UBTD1: variants seen among roughly 807,000 people sequenced by gnomAD.
UBTD1 encodes the protein ubiquitin domain-containing protein 1.
Under a neutral mutation model 21.7 loss-of-function variants are expected in UBTD1, and 19 were observed. That is an observed-to-expected ratio of 0.87 (90% CI 0.61 to 1.28). The LOEUF (loss-of-function observed/expected upper bound fraction) is 1.28. UBTD1 is among the 50% of genes most tolerant of loss of function. The probability of loss-of-function intolerance (pLI) is 0.00; values close to 1 mark genes in which losing one functional copy is unlikely to be tolerated. For missense variants in UBTD1, 282 were observed against 315.1 expected (o/e 0.89, Z 0.80); for synonymous variants, 116 against 135.1 (o/e 0.86, Z 0.98).
intron 1 of UBTD1, 149 bp downstream of exon 1, chr10:97,499,422 C>A: frequency 9.1e-7 from 1 of 1,102,220 alleles, no homozygotes; most frequent in Non-Finnish European, 1.2e-6. Flanking sequence ...GGGCCGCTCC[C>A]CAGCGCCGGG....
chr10:97,522,517 G>A (rs2040470690), intron 1 of UBTD1, among the ~76,000 whole-genome samples: 1 of 152,190 alleles, frequency 6.6e-6, no homozygotes, highest in Admixed American at 6.5e-5. Flanking sequence ...TTACAGAGTG[G>A]TGAAGATCGG....
At chr10:97,499,609 C>T (rs2040325762) in intron 1 of UBTD1, among the ~76,000 whole-genome samples, 1 of 152,150 alleles carries the variant, frequency 6.6e-6, no homozygotes, top group Non-Finnish European at 1.5e-5. Flanking sequence ...GCAGCTCCGG[C>T]CGGGGTCGGA....
chr10:97,525,325 G>C (rs1380356967), intron 1 of UBTD1, among the ~76,000 whole-genome samples: 1 of 152,196 alleles, frequency 6.6e-6, no homozygotes, highest in Non-Finnish European at 1.5e-5. Context: ...AGAGCTAAAA[G>C]ACCACCTGGG....
In UBTD1 at chr10:97,559,121, C is replaced by T. The variant is rs148722005; in HGVS notation, c.71-8793C>T. Among the ~76,000 whole-genome samples, 521 of 152,310 alleles carry T rather than the reference C, an allele frequency of 3.4e-3. 4 individuals are homozygous for T. Among genetic ancestry groups the T allele is most frequent in the African/African-American group, 0.012 (480 of 41,558 alleles). On this transcript the variant is annotated intron_variant, in intron 1 of 2. Transcript: ENST00000370664. ...AGTCTCCTCCCTGCCATGAGAGACA[C>T]GAAGTGAACTTAGTGTTGGGAGACG...
chr10:97,542,419 A>T (rs1435732665), intron 1 of UBTD1, among the ~76,000 whole-genome samples: 3 of 152,132 alleles, frequency 2.0e-5, no homozygotes, highest in Non-Finnish European at 4.4e-5. Context: ...GGGGTTTCTT[A>T]GGAAACAGGA....
chr10:97,525,206 CT>C (rs1450668642), intron 1 of UBTD1, among the ~76,000 whole-genome samples: 1 of 152,212 alleles, frequency 6.6e-6, no homozygotes, highest in African/African-American at 2.4e-5. Flanking sequence ...CAATTTCTGC[CT>C]TTTAGCAACT....
chr10:97,547,048 C>G (rs1289721266), intron 1 of UBTD1, among the ~76,000 whole-genome samples: 1 of 152,158 alleles, frequency 6.6e-6, no homozygotes, highest in Non-Finnish European at 1.5e-5. Context: ...AAGGTCGCTC[C>G]CAGCTTCAGG....
At chr10:97,526,246 A>G (rs7074482) in intron 1 of UBTD1, among the ~76,000 whole-genome samples, 43,185 of 152,100 alleles carry the variant, frequency 0.28, 6,296 homozygotes, top group Non-Finnish European at 0.32. Flanking sequence ...CTTTCTGGAA[A>G]GCAATTTGGC....
At chr10:97,517,516 G>C (rs901063052) in intron 1 of UBTD1, among the ~76,000 whole-genome samples, 1 of 152,172 alleles carries the variant, frequency 6.6e-6, no homozygotes, top group African/African-American at 2.4e-5. Context: ...GCCGAGGTGT[G>C]GGGAAGGGCT....
At chr10:97,528,647 C>T (rs556983366) in intron 1 of UBTD1, among the ~76,000 whole-genome samples, 1 of 77,618 alleles carries the variant, frequency 1.3e-5, no homozygotes, top group African/African-American at 4.9e-5. Flanking sequence ...CCCTCCCGGA[C>T]GGGGCGGCTG....
intron 1 of UBTD1, among the ~76,000 whole-genome samples, chr10:97,550,830 T>C (rs1413616972): frequency 6.6e-6 from 1 of 152,154 alleles, no homozygotes; most frequent in Non-Finnish European, 1.5e-5. Context: ...CACTCTCCTT[T>C]CGGTGCCCTC....
chr10:97,546,500 G>A (rs1233438877), intron 1 of UBTD1, among the ~76,000 whole-genome samples: 2 of 151,434 alleles, frequency 1.3e-5, no homozygotes, highest in African/African-American at 4.9e-5. Flanking sequence ...TGAGGTGGGA[G>A]GATTATTTGA....
rs576073336 is a variant in UBTD1, at chr10:97,499,136, G to T, written c.-68G>T. 44 of 1,465,988 alleles carry T rather than the reference G, an allele frequency of 3.0e-5. No individual in the cohort carries two copies. The highest frequency in any genetic ancestry group is 3.8e-5 in the Non-Finnish European group (42 of 1,100,666). 90.8% of individuals were successfully genotyped at this position (1,465,988 alleles called of 1,614,324 possible). On this transcript the variant is annotated 5_prime_UTR_variant, in exon 1 of 3. Coordinates refer to ENST00000370664, the MANE Select transcript of UBTD1 (RefSeq NM_024954.5). ...GCGGCCGGAGCCATTGACCCGGGAC[G>T]CCGCCGTCCGCTGAGCAGCCGACCA...
At chr10:97,522,187 T>C (rs138599899) in intron 1 of UBTD1, among the ~76,000 whole-genome samples, 154 of 152,352 alleles carry the variant, frequency 1.0e-3, no homozygotes, top group Non-Finnish European at 1.9e-3. Flanking sequence ...TGAAAGGTCA[T>C]GTCCAGCTGC....
intron 1 of UBTD1, among the ~76,000 whole-genome samples, chr10:97,545,197 T>C (rs980349205): frequency 6.6e-6 from 1 of 151,422 alleles, no homozygotes. Context: ...AAAAATTACC[T>C]GGGCATGGTG....
At chr10:97,562,616 C>T (rs1028435108) in intron 1 of UBTD1, among the ~76,000 whole-genome samples, 11 of 151,716 alleles carry the variant, frequency 7.3e-5, no homozygotes, top group African/African-American at 2.2e-4. Context: ...TTCACAAGGG[C>T]GGGGGAATAT....
chr10:97,551,245 A>G (rs1443533804), intron 1 of UBTD1, among the ~76,000 whole-genome samples: 4 of 152,020 alleles, frequency 2.6e-5, no homozygotes, highest in African/African-American at 9.7e-5. Flanking sequence ...CTGCTCAATC[A>G]CAAATGTTGG....
chr10:97,499,250 C>G lies in UBTD1; in HGVS notation c.47C>G (p.Pro16Arg), dbSNP rs2040299951. 2 of 1,548,528 alleles carry G rather than the reference C, an allele frequency of 1.3e-6. No homozygotes were observed. The highest frequency in any genetic ancestry group is 1.7e-6 in the Non-Finnish European group (2 of 1,145,768). ...GRQRRERPAA[P>R]GHPRKRAGRN... ...CAGCGCCGGGAGAGGCCGGCAGCCC[C>G]GGGACACCCCCGCAAGCGAGCAGGT... is the stretch of plus-strand genomic sequence containing the variant. The change falls in exon 1 of 3, where the codon CCG becomes CGG. Residue 16 changes from proline (P) to arginine (R), a missense_variant. Transcript: ENST00000370664.
At chr10:97,542,086 G>A (rs780804064) in intron 1 of UBTD1, among the ~76,000 whole-genome samples, 4 of 152,148 alleles carry the variant, frequency 2.6e-5, no homozygotes, top group Non-Finnish European at 4.4e-5. Flanking sequence ...CCTCTGAGTT[G>A]TCTTCCCTCC....
Sources: gnomAD v4.1 joint callset for allele counts (sites outside exome capture counted in the v4.1 genomes callset) on GRCh38, gnomAD v4.1.1 for gene constraint, MANE v1.5 for transcripts, NCBI Gene and HGNC (gene_info 2026-07-23, HGNC 2026-07-21) for gene names.